The following NRXN1 variants were observed in gnomAD, a reference collection of about 807,000 sequenced individuals.
NRXN1 encodes the protein neurexin-1.
In NRXN1, 39 loss-of-function variants were observed where a neutral mutation model predicts 150.9. The ratio of observed to expected loss-of-function variants is 0.26; its 90% CI spans 0.20 to 0.34. The LOEUF is 0.34. NRXN1 is among the 10% of genes least tolerant of loss of function. The pLI, the probability that NRXN1 is intolerant of heterozygous loss-of-function variation, is 1.00. For missense variants in NRXN1, 1,815 were observed against 1,949.9 expected, an observed-to-expected ratio of 0.93 and a Z score of 1.30; for synonymous variants, 924 against 757.0, an observed-to-expected ratio of 1.22 and a Z score of -3.62.
intron 18 of NRXN1, among the ~76,000 whole-genome samples, chr2:50,103,049 C>T (rs1159422011): frequency 1.3e-5 from 2 of 151,968 alleles, no homozygotes; most frequent in Admixed American, 6.6e-5. Flanking sequence ...ATATGTAGAA[C>T]CTAACAGTAT....
chr2:50,149,166 G>C (rs562024000), intron 18 of NRXN1, among the ~76,000 whole-genome samples: 124 of 151,812 alleles, frequency 8.2e-4, no homozygotes, highest in Non-Finnish European at 1.6e-3. Flanking sequence ...AAGATAAATT[G>C]CTGGAAACAT....
chr2:50,611,796 G>C (rs779197256), intron 8 of NRXN1, among the ~76,000 whole-genome samples: 1 of 152,118 alleles, frequency 6.6e-6, no homozygotes, highest in Non-Finnish European at 1.5e-5. Flanking sequence ...GTAGGGAAGA[G>C]GTTCACAGAG....
chr2:49,995,758 G>T (rs1290076933), intron 21 of NRXN1, among the ~76,000 whole-genome samples: 1 of 113,868 alleles, frequency 8.8e-6, no homozygotes, highest in Non-Finnish European at 1.7e-5. Context: ...TCCAGCCTGA[G>T]CGACAGAGCG....
chr2:50,182,496 T>C (rs554241552), intron 18 of NRXN1, among the ~76,000 whole-genome samples: 1 of 152,216 alleles, frequency 6.6e-6, no homozygotes, highest in African/African-American at 2.4e-5. Flanking sequence ...GCTCTCAATA[T>C]GTTTGGATTC....
intron 17 of NRXN1, among the ~76,000 whole-genome samples, chr2:50,298,248 A>G (rs539409018): frequency 2.2e-3 from 335 of 152,182 alleles, no homozygotes; most frequent in African/African-American, 7.3e-3. Context: ...TAAGGCACAG[A>G]TTTTTCAGGA....
intron 5 of NRXN1, among the ~76,000 whole-genome samples, chr2:50,670,459 A>G (rs189549154): frequency 6.6e-6 from 1 of 152,128 alleles, no homozygotes; most frequent in African/African-American, 2.4e-5. Context: ...TTTACAGAAG[A>G]GCTGCAGTGT....
At chr2:51,023,024 C>A (rs1029435068) in intron 2 of NRXN1, among the ~76,000 whole-genome samples, 2 of 152,148 alleles carry the variant, frequency 1.3e-5, no homozygotes, top group Non-Finnish European at 2.9e-5. Context: ...TCTGAACAAT[C>A]AATGGCCTTA....
chr2:50,058,016 G>A (rs1247448623), intron 19 of NRXN1, among the ~76,000 whole-genome samples: 1 of 152,004 alleles, frequency 6.6e-6, no homozygotes, highest in African/African-American at 2.4e-5. Context: ...AAAAATCAAA[G>A]CTTTATAGAT....
intron 18 of NRXN1, among the ~76,000 whole-genome samples, chr2:50,210,883 T>C (rs2062967608): frequency 6.6e-6 from 1 of 151,608 alleles, no homozygotes; most frequent in African/African-American, 2.4e-5. Context: ...ATAAAATTAC[T>C]TTCACATACA....
chr2:50,980,417 C>T (rs1450842833), intron 2 of NRXN1, among the ~76,000 whole-genome samples: 1 of 152,028 alleles, frequency 6.6e-6, no homozygotes, highest in Non-Finnish European at 1.5e-5. Context: ...CATTGCATTA[C>T]AATATTTTGA....
intron 5 of NRXN1, among the ~76,000 whole-genome samples, chr2:50,689,129 G>C (rs1231066938): frequency 1.3e-5 from 2 of 151,842 alleles, no homozygotes; most frequent in Non-Finnish European, 2.9e-5. Flanking sequence ...TTTAAATCAA[G>C]ATTCAATTAA....
chr2:49,980,793 T>C (rs775185834), intron 21 of NRXN1, among the ~76,000 whole-genome samples: 1 of 152,048 alleles, frequency 6.6e-6, no homozygotes, highest in Non-Finnish European at 1.5e-5. Flanking sequence ...TGCTAGAAAA[T>C]AATTTATTTT....
chr2:50,540,451 C>T (rs1025965959), intron 9 of NRXN1, among the ~76,000 whole-genome samples: 22 of 152,010 alleles, frequency 1.4e-4, no homozygotes, highest in Non-Finnish European at 2.4e-4. Context: ...GATCATTACA[C>T]GCATTTTAAA....
chr2:50,459,145 AT>A (rs1232980812), intron 17 of NRXN1, among the ~76,000 whole-genome samples: 2 of 152,116 alleles, frequency 1.3e-5, no homozygotes, highest in African/African-American at 4.8e-5. Context: ...AAATCCAATC[AT>A]AATTATATTA....
intron 17 of NRXN1, among the ~76,000 whole-genome samples, chr2:50,407,382 T>C (rs1320166724): frequency 2.0e-5 from 3 of 152,292 alleles, no homozygotes; most frequent in South Asian, 2.1e-4. Context: ...TTATCCTCTC[T>C]GCATATGTAA....
At chr2:50,496,479 T>G (rs2091628368) in intron 14 of NRXN1, among the ~76,000 whole-genome samples, 1 of 152,186 alleles carries the variant, frequency 6.6e-6, no homozygotes, top group African/African-American at 2.4e-5. Flanking sequence ...CTCGATTCCC[T>G]GTTTGAGGAT....
intron 5 of NRXN1, among the ~76,000 whole-genome samples, chr2:50,902,238 A>G (rs1391279653): frequency 3.3e-5 from 5 of 152,212 alleles, no homozygotes; most frequent in African/African-American, 9.6e-5. Flanking sequence ...ATTCTCAGCA[A>G]TATTCATTAT....
intron 17 of NRXN1, among the ~76,000 whole-genome samples, chr2:50,407,377 C>T (rs1383862725): frequency 6.6e-6 from 1 of 152,126 alleles, no homozygotes; most frequent in Non-Finnish European, 1.5e-5. Flanking sequence ...TACTATTATC[C>T]TCTCTGCATA....
rs556416455 is a variant in NRXN1 at position 50,728,933 on chromosome 2, G to A, written c.833-105318C>T. The stretch of plus-strand genomic sequence containing the variant: ...AGTGCATGGTTTATGACAGTTTGTT[G>A]AACACACTGTGCTGGAAGTAATTAT... On this transcript the variant is annotated intron_variant, in intron 5 of 22. Transcript: ENST00000401669. Among the ~76,000 whole-genome samples, 4 of 152,200 alleles carry A rather than the reference G, an allele frequency of 2.6e-5. No individual in the cohort carries two copies. The South Asian group carries it at 6.2e-4, about 24-fold the overall frequency.
Sources: gnomAD v4.1 joint callset for allele counts (sites outside exome capture counted in the v4.1 genomes callset) on GRCh38, gnomAD v4.1.1 for gene constraint, MANE v1.5 for transcripts, NCBI Gene and HGNC (gene_info 2026-07-23, HGNC 2026-07-21) for gene names.